Variants in SORCS2 observed in about 807,000 individuals in gnomAD.
SORCS2 encodes the protein sortilin related VPS10 domain containing receptor 2, also known as VPS10 domain-containing receptor SorCS2.
A neutral mutation model predicts 141.6 loss-of-function variants in SORCS2; 100 were observed. That is an observed-to-expected ratio of 0.71 (90% CI 0.60 to 0.83). The LOEUF is 0.83. Among genes scored for constraint, SORCS2 ranks in the 40% least tolerant of loss-of-function variants. SORCS2 has a pLI of 0.00. For missense variants in SORCS2, 1,646 were observed against 1,560.2 expected (o/e 1.05, Z -0.93); for synonymous variants, 789 against 676.9 (o/e 1.17, Z -2.57).
chr4:7,284,398 A>G (rs1716079236), intron 1 of SORCS2, among the ~76,000 whole-genome samples: 3 of 152,182 alleles, frequency 2.0e-5, no homozygotes, highest in East Asian at 3.8e-4. Flanking sequence ...TGCCTGTGAG[A>G]TGAAGCAAGC....
Position 7,332,630 on chromosome 4 carries a change from A to T in SORCS2, c.481-63658A>T, listed in dbSNP as rs150171089. Among the ~76,000 whole-genome samples, 1,235 of 152,334 alleles carry T rather than the reference A, an allele frequency of 8.1e-3. 16 individuals carry two copies. Among genetic ancestry groups the T allele is most frequent in the African/African-American group, 0.029 (1,191 of 41,576 alleles). ...AGGGGTGCTCACCCTGAAGGACTCAAAACTCACCCAATCCACTGGGCCACC... is the reference window on the plus strand; with the variant it reads ...AGGGGTGCTCACCCTGAAGGACTCATAACTCACCCAATCCACTGGGCCACC... On this transcript the variant is annotated intron_variant, in intron 1 of 26. Coordinates refer to ENST00000507866, the MANE Select transcript of SORCS2 (RefSeq NM_020777.3).
At chr4:7,281,740 T>C (rs1215990922) in intron 1 of SORCS2, among the ~76,000 whole-genome samples, 1 of 152,166 alleles carries the variant, frequency 6.6e-6, no homozygotes, top group East Asian at 1.9e-4. Flanking sequence ...TGTGTTGCGG[T>C]CCCTCTTTCC....
At chr4:7,323,482 G>A (rs1048121387) in intron 1 of SORCS2, among the ~76,000 whole-genome samples, 10 of 152,066 alleles carry the variant, frequency 6.6e-5, no homozygotes, top group Non-Finnish European at 1.3e-4. Flanking sequence ...AGGAGACCAC[G>A]TTCAGACTCC....
intron 1 of SORCS2, among the ~76,000 whole-genome samples, chr4:7,314,704 C>T (rs1298378871): frequency 6.6e-6 from 1 of 151,070 alleles, no homozygotes; most frequent in Non-Finnish European, 1.5e-5. Context: ...AAGTGGAGAG[C>T]AAGGAGGGAC....
At chr4:7,399,926 A>T (rs973708923) in intron 2 of SORCS2, among the ~76,000 whole-genome samples, 6 of 152,066 alleles carry the variant, frequency 3.9e-5, no homozygotes, top group Non-Finnish European at 7.4e-5. Flanking sequence ...ATCTCCTGGG[A>T]TCTTCCTGCA....
rs1413038512 is a variant in SORCS2 at position 7,350,570 on chromosome 4, G to C, written c.481-45718G>C. ...GATGGGGTGTGCTGGCTGCTGGGGG[G>C]ACCCAGTGGATTGGCAGGCATGACC... On this transcript the variant is annotated intron_variant, in intron 1 of 26. Transcript: ENST00000507866. Among the ~76,000 whole-genome samples, 3 of 152,330 alleles carry C rather than the reference G, an allele frequency of 2.0e-5. No homozygotes were observed. The South Asian group carries it at 6.2e-4, about 32-fold the overall frequency.
intron 18 of SORCS2, among the ~76,000 whole-genome samples, chr4:7,718,731 C>CA (rs1726368940): frequency 6.6e-6 from 1 of 152,106 alleles, no homozygotes; most frequent in African/African-American, 2.4e-5. Flanking sequence ...TGCTTTAGAA[C>CA]AAGTGTTATA....
At chr4:7,562,132 A>G (rs1446445381) in intron 3 of SORCS2, among the ~76,000 whole-genome samples, 1 of 152,188 alleles carries the variant, frequency 6.6e-6, no homozygotes, top group African/African-American at 2.4e-5. Context: ...GAACTTCTCG[A>G]TTGATTATAA....
At chr4:7,692,194 T>C (rs532838681) in intron 11 of SORCS2, among the ~76,000 whole-genome samples, 1 of 152,306 alleles carries the variant, frequency 6.6e-6, no homozygotes, top group East Asian at 1.9e-4. Context: ...GCTTCACATC[T>C]GCTGGCCCGA....
chr4:7,367,900 G>T (rs1445561266), intron 1 of SORCS2, among the ~76,000 whole-genome samples: 1 of 152,214 alleles, frequency 6.6e-6, no homozygotes, highest in Non-Finnish European at 1.5e-5. Flanking sequence ...ACAGCCCCCA[G>T]CCCTCCTGCC....
intron 2 of SORCS2, among the ~76,000 whole-genome samples, chr4:7,487,217 C>T (rs1731042608): frequency 6.6e-6 from 1 of 152,264 alleles, no homozygotes; most frequent in Non-Finnish European, 1.5e-5. Flanking sequence ...TCTGCAAAGC[C>T]ACTGGCATTG....
chr4:7,740,370 G>A lies in SORCS2; in HGVS notation c.*106G>A. On this transcript the variant is annotated 3_prime_UTR_variant, in exon 27 of 27. Transcript: ENST00000507866. ...GAGACCTGCGGAAAGCCCCCTCCCTGAGTCGTCGCCACACCAGGCGACAGG... is the reference window on the plus strand; with the variant it reads ...GAGACCTGCGGAAAGCCCCCTCCCTAAGTCGTCGCCACACCAGGCGACAGG... 9.6e-7 allele frequency: 1 copy of A among 1,037,236 alleles called. No homozygotes were observed. Among genetic ancestry groups the A allele is most frequent in the South Asian group, 1.4e-5 (1 of 73,298 alleles). 64.3% of individuals were successfully genotyped at this position (1,037,236 alleles called of 1,614,324 possible).
chr4:7,496,250 C>T (rs967793387), intron 2 of SORCS2, among the ~76,000 whole-genome samples: 17 of 152,186 alleles, frequency 1.1e-4, no homozygotes, highest in Non-Finnish European at 2.2e-4. Flanking sequence ...CAAAGAACTT[C>T]TGTCCTCCCT....
At chr4:7,674,644 T>C (rs918914386) in intron 8 of SORCS2, among the ~76,000 whole-genome samples, 1 of 138,394 alleles carries the variant, frequency 7.2e-6, no homozygotes, top group African/African-American at 2.6e-5. Flanking sequence ...TGGGGCTGCA[T>C]AGCACAGGGA....
At chr4:7,736,136 G>A (rs540365585) in intron 25 of SORCS2, among the ~76,000 whole-genome samples, 2 of 152,324 alleles carry the variant, frequency 1.3e-5, no homozygotes, top group South Asian at 4.1e-4. Flanking sequence ...CTGTGCCCTC[G>A]GGAGCTCCCG....
At chr4:7,659,816 G>A (rs1314773742) in intron 5 of SORCS2, among the ~76,000 whole-genome samples, 1 of 152,170 alleles carries the variant, frequency 6.6e-6, no homozygotes, top group Non-Finnish European at 1.5e-5. Flanking sequence ...TGGGGCAGCT[G>A]TACTTCTCCC....
At chr4:7,716,675 T>C (rs1164505904) in intron 17 of SORCS2, among the ~76,000 whole-genome samples, 2 of 111,250 alleles carry the variant, frequency 1.8e-5, no homozygotes, top group African/African-American at 6.6e-5. Flanking sequence ...TATCTATTCA[T>C]TCATTCACCG....
intron 3 of SORCS2, among the ~76,000 whole-genome samples, chr4:7,594,938 T>C (rs114723753): frequency 0.012 from 1,768 of 152,158 alleles, 36 homozygotes; most frequent in African/African-American, 0.041. Flanking sequence ...CAAAATGTCT[T>C]TTGCAACACA....
At chr4:7,441,529 C>T (rs1352512077) in intron 2 of SORCS2, among the ~76,000 whole-genome samples, 1 of 151,940 alleles carries the variant, frequency 6.6e-6, no homozygotes, top group South Asian at 2.1e-4. Flanking sequence ...GAGAGGGAAG[C>T]GCCCTTGCCA....
Sources: allele counts gnomAD v4.1 joint callset (sites outside exome capture counted in the v4.1 genomes callset), GRCh38; gene constraint gnomAD v4.1.1; transcripts MANE v1.5; gene names NCBI Gene and HGNC (gene_info 2026-07-23, HGNC 2026-07-21).